NDUFAF2: variants seen among roughly 807,000 people sequenced by gnomAD.
NDUFAF2 encodes the protein NADH dehydrogenase [ubiquinone] 1 alpha subcomplex assembly factor 2.
NDUFAF2 carries 13 observed loss-of-function variants against 22.8 expected under a neutral mutation model. The observed-to-expected ratio is 0.57, with a 90% CI of 0.37 to 0.91. The LOEUF is 0.91. Among genes scored for constraint, NDUFAF2 ranks in the 40% least tolerant of loss-of-function variants. The pLI is 0.01. For missense variants in NDUFAF2, 162 were observed against 195.2 expected (o/e 0.83, Z 1.01); for synonymous variants, 53 against 64.2 (o/e 0.83, Z 0.84).
At chr5:60,988,201 A>G (rs371807765) in intron 1 of NDUFAF2, among the ~76,000 whole-genome samples, 53 of 152,270 alleles carry the variant, frequency 3.5e-4, no homozygotes, top group African/African-American at 1.3e-3. Context: ...AGAATAAAAT[A>G]CCTAGGAGTA....
chr5:61,122,692 C>T (rs1406134598), intron 3 of NDUFAF2, among the ~76,000 whole-genome samples: 1 of 152,120 alleles, frequency 6.6e-6, no homozygotes, highest in Non-Finnish European at 1.5e-5. Context: ...TTTTAAACTA[C>T]TTTCTTCTGT....
At chr5:61,058,994 T>G (rs894308843) in intron 1 of NDUFAF2, among the ~76,000 whole-genome samples, 3 of 152,034 alleles carry the variant, frequency 2.0e-5, no homozygotes, top group African/African-American at 4.8e-5. Context: ...AAAAATTCCT[T>G]TCAGTTTGGA....
chr5:61,024,161 T>A (rs1365260061), intron 1 of NDUFAF2, among the ~76,000 whole-genome samples: 6 of 152,210 alleles, frequency 3.9e-5, no homozygotes, highest in Non-Finnish European at 8.8e-5. Context: ...CTGTTTTTTT[T>A]AACATTGATG....
chr5:61,022,668 G>A (rs1324103588), intron 1 of NDUFAF2, among the ~76,000 whole-genome samples: 1 of 152,080 alleles, frequency 6.6e-6, no homozygotes, highest in Non-Finnish European at 1.5e-5. Context: ...GTTTTGAGAC[G>A]GAGTCTCGCT....
intron 3 of NDUFAF2, among the ~76,000 whole-genome samples, chr5:61,142,118 C>T (rs1421692943): frequency 6.6e-6 from 1 of 152,184 alleles, no homozygotes; most frequent in Non-Finnish European, 1.5e-5. Flanking sequence ...TGTCTCCCAC[C>T]AGGGTAGTTC....
intron 1 of NDUFAF2, among the ~76,000 whole-genome samples, chr5:60,966,104 G>A (rs553301130): frequency 4.6e-5 from 7 of 152,178 alleles, no homozygotes; most frequent in Admixed American, 2.0e-4. Flanking sequence ...TTTAATTTGC[G>A]TTTTCCTGAT....
intron 2 of NDUFAF2, among the ~76,000 whole-genome samples, chr5:61,079,581 C>A (rs1752414547): frequency 6.6e-6 from 1 of 152,212 alleles, no homozygotes; most frequent in Non-Finnish European, 1.5e-5. Context: ...TTTGGTTGAA[C>A]CTCCAGTACA....
intron 1 of NDUFAF2, among the ~76,000 whole-genome samples, chr5:61,046,238 G>C (rs970392587): frequency 3.3e-5 from 5 of 152,014 alleles, no homozygotes; most frequent in African/African-American, 9.7e-5. Flanking sequence ...GAGGAATTTT[G>C]CATTTGTGTT....
chr5:60,976,026 AGCTT>A (rs1393624486), intron 1 of NDUFAF2, among the ~76,000 whole-genome samples: 1 of 152,240 alleles, frequency 6.6e-6, no homozygotes, highest in Non-Finnish European at 1.5e-5. Context: ...TGATCCAAGT[AGCTT>A]GGCCTCTGGC....
At chr5:61,118,177 A>C (rs750473141) in intron 3 of NDUFAF2, among the ~76,000 whole-genome samples, 7 of 152,134 alleles carry the variant, frequency 4.6e-5, no homozygotes, top group African/African-American at 1.7e-4. Context: ...TTTCCGTACT[A>C]AATCTTACTA....
chr5:61,141,453 A>G (rs1056133292), intron 3 of NDUFAF2, among the ~76,000 whole-genome samples: 17 of 152,080 alleles, frequency 1.1e-4, no homozygotes, highest in African/African-American at 3.9e-4. Flanking sequence ...CAGTTAATAT[A>G]TGCATGAACC....
intron 2 of NDUFAF2, among the ~76,000 whole-genome samples, chr5:61,076,853 A>C (rs1223679650): frequency 6.6e-6 from 1 of 152,212 alleles, no homozygotes; most frequent in African/African-American, 2.4e-5. Flanking sequence ...AGTGGAAAGA[A>C]GAAGTTGCAT....
chr5:61,026,893 G>A (rs1561545141), intron 1 of NDUFAF2, among the ~76,000 whole-genome samples: 1 of 151,674 alleles, frequency 6.6e-6, no homozygotes, highest in Non-Finnish European at 1.5e-5. Flanking sequence ...TGGATTGTAG[G>A]TGAACTGAAG....
intron 1 of NDUFAF2, among the ~76,000 whole-genome samples, chr5:61,048,071 C>T (rs1342150411): frequency 1.3e-5 from 2 of 152,080 alleles, no homozygotes; most frequent in Admixed American, 1.3e-4. Context: ...CAAATGAATT[C>T]ATTTCTTTTT....
intron 1 of NDUFAF2, among the ~76,000 whole-genome samples, chr5:61,065,979 A>G (rs1342188753): frequency 6.6e-6 from 1 of 152,094 alleles, no homozygotes; most frequent in Non-Finnish European, 1.5e-5. Context: ...ACCCGTTAGA[A>G]CTAATAAATG....
chr5:61,150,509 A>G (rs1273873776), intron 3 of NDUFAF2, among the ~76,000 whole-genome samples: 1 of 152,212 alleles, frequency 6.6e-6, no homozygotes, highest in African/African-American at 2.4e-5. Flanking sequence ...TGTTGAATAA[A>G]GAGAAATTAT....
At position 61,130,660 on chromosome 5, in the gene NDUFAF2, TTTGA is replaced by T. The variant is rs1179522767; in HGVS notation, c.259-22041_259-22038del. 1.1e-4 allele frequency among the ~76,000 whole-genome samples: 17 copies of T among 152,272 alleles called. No individual in the cohort carries two copies. In the Middle Eastern group the frequency reaches 0.01, roughly 91 times the overall value. ...ATTACTTCTTATAGTGAAGGGTTTG[TTTGA>T]TTCCCTTAATATTCATTTGATCTCT... is the stretch of plus-strand genomic sequence containing the variant. On this transcript the variant is annotated intron_variant, in intron 3 of 3. Transcript: ENST00000296597.
At chr5:61,061,254 G>T (rs1332215576) in intron 1 of NDUFAF2, among the ~76,000 whole-genome samples, 1 of 152,092 alleles carries the variant, frequency 6.6e-6, no homozygotes, top group Non-Finnish European at 1.5e-5. Context: ...ATCAGAACTA[G>T]TCATGATAGT....
At chr5:61,093,547 T>C (rs1010573980) in intron 2 of NDUFAF2, among the ~76,000 whole-genome samples, 1 of 152,252 alleles carries the variant, frequency 6.6e-6, no homozygotes, top group African/African-American at 2.4e-5. Context: ...TCTGTTTATG[T>C]GATGAATCAC....
Sources: allele counts gnomAD v4.1 joint callset (sites outside exome capture counted in the v4.1 genomes callset), GRCh38; gene constraint gnomAD v4.1.1; transcripts MANE v1.5; gene names NCBI Gene and HGNC (gene_info 2026-07-23, HGNC 2026-07-21).